VPS50: variants seen among roughly 807,000 people sequenced by gnomAD.
The protein encoded by VPS50 is VPS50 subunit of EARP/GARPII complex.
Under a neutral mutation model 139.7 loss-of-function variants are expected in VPS50, and 70 were observed. The ratio of observed to expected loss-of-function variants is 0.50; its 90% CI spans 0.41 to 0.61. VPS50 has a LOEUF of 0.61. Ranked by LOEUF, VPS50 falls within the 20% of genes least tolerant of loss-of-function variation. The pLI is 0.00. For synonymous variants in VPS50, 365 were observed against 376.7 expected, an observed-to-expected ratio of 0.97 and a Z score of 0.36; for missense variants, 921 against 1,133.7, an observed-to-expected ratio of 0.81 and a Z score of 2.69.
rs142200420 is a variant in VPS50, at chr7:93,266,511, C to T, written c.660-4709C>T. 4.2e-3 allele frequency among the ~76,000 whole-genome samples: 637 copies of T among 152,210 alleles called. 4 individuals are homozygous for T. The highest frequency in any genetic ancestry group is 0.015 in the African/African-American group (603 of 41,532). ...CTCATTCTTGTGAGTGTATGTGTGTCCTAGATTAGTTGTTTAAAGAACACT... is the reference window on the plus strand; with the variant it reads ...CTCATTCTTGTGAGTGTATGTGTGTTCTAGATTAGTTGTTTAAAGAACACT... On this transcript the variant is annotated intron_variant, in intron 9 of 27. Coordinates refer to ENST00000305866, the MANE Select transcript of VPS50 (RefSeq NM_017667.4).
In VPS50 at chr7:93,258,073, G is replaced by A. The variant is rs116713374; in HGVS notation, c.423-86G>A. On this transcript the variant is annotated intron_variant, in intron 6 of 27. Transcript: ENST00000305866. ...GGTTTTAATAGTAATCCATTTCACT[G>A]CTTCATTAGTTACCTAATTGTTCTG... is the stretch of plus-strand genomic sequence containing the variant. 8.6e-3 allele frequency: 5,556 copies of A among 645,654 alleles called. 246 individuals are homozygous for A. In the African/African-American group the frequency reaches 0.091, roughly 11 times the overall value. The allele number at this position is 645,654 out of a possible 1,614,324, so 40.0% of individuals were successfully genotyped here.
intron 23 of VPS50, among the ~76,000 whole-genome samples, chr7:93,341,984 C>T (rs181176722): frequency 2.6e-5 from 4 of 152,232 alleles, no homozygotes; most frequent in Non-Finnish European, 2.9e-5. Context: ...CCAAGATGGC[C>T]GAATAGGAAC....
chr7:93,291,947 G>A, intron 13 of VPS50, 112 bp downstream of exon 13: 1 of 651,516 alleles, frequency 1.5e-6, no homozygotes, highest in African/African-American at 1.8e-5. Context: ...AAAGATTACA[G>A]TGACCATAGG....
chr7:93,326,000 A>G (rs1584472023), intron 21 of VPS50, among the ~76,000 whole-genome samples: 2 of 152,008 alleles, frequency 1.3e-5, no homozygotes, highest in Middle Eastern at 6.8e-3. Context: ...ATGCACACGT[A>G]TGTTTATTGT....
chr7:93,279,196 G>A (rs1796251535), intron 12 of VPS50, among the ~76,000 whole-genome samples: 1 of 152,164 alleles, frequency 6.6e-6, no homozygotes, highest in Non-Finnish European at 1.5e-5. Context: ...TGCTGCTACA[G>A]GCAGATATGA....
rs1562853969 is a variant in VPS50, at chr7:93,257,449, G to A, written c.407G>A (p.Cys136Tyr). Residue 136 changes from cysteine (C) to tyrosine (Y), a missense_variant, in exon 6 of 28, where the codon TGT (cysteine) becomes TAT (tyrosine). Transcript: ENST00000305866. ...QTGLQLAAVICTNGRRHLNIA... is the reference protein window; with the variant it reads ...QTGLQLAAVIYTNGRRHLNIA... Reference sequence around the variant, plus strand: ...GGTCTTCAATTAGCTGCTGTTATCTGTACAAATGGGAGAAGGTATTGCTTT... The same window carrying A: ...GGTCTTCAATTAGCTGCTGTTATCTATACAAATGGGAGAAGGTATTGCTTT... 3.1e-6 allele frequency: 5 copies of A among 1,595,330 alleles called. No homozygotes were observed. The highest frequency in any genetic ancestry group is 1.7e-6 in the Non-Finnish European group (2 of 1,165,296).
chr7:93,356,388 G>A (rs1436392631), intron 27 of VPS50, among the ~76,000 whole-genome samples: 1 of 152,126 alleles, frequency 6.6e-6, no homozygotes, highest in Non-Finnish European at 1.5e-5. Flanking sequence ...AAAGGCTGAA[G>A]TTGATAAATA....
intron 2 of VPS50, among the ~76,000 whole-genome samples, chr7:93,248,602 G>A (rs1246737409): frequency 2.0e-5 from 3 of 151,972 alleles, no homozygotes; most frequent in Non-Finnish European, 2.9e-5. Flanking sequence ...CTTTCCTTTT[G>A]TCTTATATTC....
chr7:93,232,571 C>A, intron 1 of VPS50, 71 bp downstream of exon 1: 1 of 1,319,144 alleles, frequency 7.6e-7, no homozygotes, highest in South Asian at 1.2e-5. Context: ...GTTCTGTCCC[C>A]AACCAGTGGC....
At chr7:93,236,543 A>G (rs1220555436) in intron 1 of VPS50, among the ~76,000 whole-genome samples, 1 of 152,224 alleles carries the variant, frequency 6.6e-6, no homozygotes, top group Admixed American at 6.5e-5. Flanking sequence ...TGAATTTTCT[A>G]TATGTCTAAA....
intron 2 of VPS50, among the ~76,000 whole-genome samples, chr7:93,240,190 C>T (rs1201433478): frequency 6.7e-6 from 1 of 148,676 alleles, no homozygotes; most frequent in African/African-American, 2.5e-5. Flanking sequence ...AAATTCTTAG[C>T]CTGAAAGCAG....
chr7:93,313,385 G>T (rs1189006688), intron 20 of VPS50, among the ~76,000 whole-genome samples: 3 of 152,278 alleles, frequency 2.0e-5, no homozygotes, highest in South Asian at 4.1e-4. Context: ...TTCAAAAGGG[G>T]CTGGAGGTAG....
chr7:93,331,235 T>G (rs948245200), intron 21 of VPS50, among the ~76,000 whole-genome samples: 13 of 151,384 alleles, frequency 8.6e-5, no homozygotes, highest in Non-Finnish European at 1.8e-4. Context: ...TAACAAGGTT[T>G]TTTTTTTTTT....
In VPS50 at chr7:93,296,804, T is replaced by C. The variant is rs756897610; in HGVS notation, c.1230T>C (p.Asp410=). The C allele has an allele frequency of 6.2e-7, 1 of 1,604,596 alleles. No individual in the cohort carries two copies. Among genetic ancestry groups the C allele is most frequent in the East Asian group, 2.2e-5 (1 of 44,646 alleles). ...CTGATTTGTCTATATTCAAATATGATGATTTCATCTTTGTTTTGGATATAA... is the reference window on the plus strand; with the variant it reads ...CTGATTTGTCTATATTCAAATATGACGATTTCATCTTTGTTTTGGATATAA... ...LGTDLSIFKY[D]DFIFVLDIIS... The change falls in exon 15 of 28, where the codon GAT becomes GAC. Residue 410 remains aspartate, a synonymous_variant. Transcript: ENST00000305866.
rs567528218 is a variant in VPS50, at chr7:93,294,629, T to C, written c.1160T>C (p.Ile387Thr). ...KKKLEHGLTRIWQDVQLKVKT... is the reference protein window; with the variant it reads ...KKKLEHGLTRTWQDVQLKVKT... Reference sequence around the variant, plus strand: ...AAATTAGAACATGGACTTACACGAATATGGCAGGTTTGGTTTTTTTAAAAT... The same window carrying C: ...AAATTAGAACATGGACTTACACGAACATGGCAGGTTTGGTTTTTTTAAAAT... Residue 387 changes from isoleucine to threonine, a missense_variant, in exon 14 of 28, where the codon ATA (isoleucine) becomes ACA (threonine). This residue lies in a region of VPS50 where 744 missense variants were observed against 930.6 expected (regional missense o/e 0.80). Coordinates refer to ENST00000305866, the MANE Select transcript of VPS50 (RefSeq NM_017667.4). 1 of 1,578,216 alleles carries C rather than the reference T, an allele frequency of 6.3e-7. No homozygotes were observed. Among genetic ancestry groups the C allele is most frequent in the South Asian group, 1.2e-5 (1 of 83,542 alleles).
chr7:93,333,739 T>C (rs1797997431), intron 21 of VPS50, among the ~76,000 whole-genome samples: 1 of 152,232 alleles, frequency 6.6e-6, no homozygotes, highest in Non-Finnish European at 1.5e-5. Flanking sequence ...TAAATAACTT[T>C]ATGTTGTTAT....
intron 2 of VPS50, among the ~76,000 whole-genome samples, chr7:93,251,954 A>G (rs759443141): frequency 6.6e-6 from 1 of 152,196 alleles, no homozygotes; most frequent in Non-Finnish European, 1.5e-5. Flanking sequence ...GTGAAATTGC[A>G]TAGGATAGGG....
At chr7:93,324,389 GT>G (rs1362662490) in intron 21 of VPS50, among the ~76,000 whole-genome samples, 1 of 152,162 alleles carries the variant, frequency 6.6e-6, no homozygotes, top group African/African-American at 2.4e-5. Flanking sequence ...AATGCTTCCA[GT>G]TTTTGCCCAT....
At chr7:93,303,622 AT>A in intron 17 of VPS50, 72 bp downstream of exon 17, 1 of 632,440 alleles carries the variant, frequency 1.6e-6, no homozygotes, top group Non-Finnish European at 2.7e-6. Context: ...GAAAAAAAAA[AT>A]CCAGAAATAT....
Sources: allele counts gnomAD v4.1 joint callset (sites outside exome capture counted in the v4.1 genomes callset), GRCh38; gene constraint gnomAD v4.1.1; regional missense constraint gnomAD v4.1.1; transcripts MANE v1.5; gene names NCBI Gene and HGNC (gene_info 2026-07-23, HGNC 2026-07-21).